Variants in PRKD1 observed in about 807,000 individuals in gnomAD.
The protein encoded by PRKD1 is serine/threonine-protein kinase D1.
A neutral mutation model predicts 95.9 loss-of-function variants in PRKD1; 63 were observed. The ratio of observed to expected loss-of-function variants is 0.66; its 90% confidence interval spans 0.54 to 0.81. PRKD1 has a LOEUF of 0.81. Ranked by LOEUF, PRKD1 falls within the 30% of genes least tolerant of loss-of-function variation. The pLI is 0.00. For synonymous variants in PRKD1, 425 were observed against 423.1 expected (o/e 1.00, Z -0.05); for missense variants, 1,048 against 1,165.3 (o/e 0.90, Z 1.47).
chr14:29,617,657 G>A (rs1027114554), intron 13 of PRKD1, among the ~76,000 whole-genome samples: 2 of 152,112 alleles, frequency 1.3e-5, no homozygotes, highest in Non-Finnish European at 2.9e-5. Context: ...ACCTTTATAT[G>A]CACTGTGATA....
chr14:29,714,969 G>A (rs1365228927), intron 2 of PRKD1, among the ~76,000 whole-genome samples: 1 of 152,088 alleles, frequency 6.6e-6, no homozygotes, highest in Non-Finnish European at 1.5e-5. Flanking sequence ...GGGGATGGAG[G>A]GCTAGGGGAG....
intron 16 of PRKD1, chr14:29,593,975 T>G: frequency 3.1e-6 from 1 of 325,702 alleles, no homozygotes; most frequent in Non-Finnish European, 6.0e-6. Context: ...CAATGTATAG[T>G]GTAAAGAATG....
At chr14:29,792,798 T>C (rs1403970089) in intron 1 of PRKD1, among the ~76,000 whole-genome samples, 1 of 152,114 alleles carries the variant, frequency 6.6e-6, no homozygotes, top group Non-Finnish European at 1.5e-5. Flanking sequence ...AGTAACATTA[T>C]GGAAACTAGA....
chr14:29,748,012 G>C (rs1006039334), intron 1 of PRKD1, among the ~76,000 whole-genome samples: 1 of 152,104 alleles, frequency 6.6e-6, no homozygotes, highest in Non-Finnish European at 1.5e-5. Flanking sequence ...CCAAAGTGCT[G>C]GGATTACAGA....
intron 1 of PRKD1, among the ~76,000 whole-genome samples, chr14:29,879,002 A>AT (rs558174005): frequency 6.1e-4 from 93 of 152,308 alleles, no homozygotes; most frequent in African/African-American, 2.1e-3. Context: ...TCTTGCTACT[A>AT]TACTCTCCTC....
intron 13 of PRKD1, among the ~76,000 whole-genome samples, chr14:29,622,089 G>A (rs1042064310): frequency 6.6e-6 from 1 of 152,150 alleles, no homozygotes; most frequent in Non-Finnish European, 1.5e-5. Context: ...GCATGGAGGG[G>A]GCGGGCATTT....
chr14:29,697,026 T>C (rs1884556942), intron 2 of PRKD1, among the ~76,000 whole-genome samples: 1 of 152,010 alleles, frequency 6.6e-6, no homozygotes, highest in Admixed American at 6.6e-5. Flanking sequence ...GTCCAGTTTT[T>C]TATGTGAAAT....
chr14:29,828,293 C>T (rs1400080229), intron 1 of PRKD1, among the ~76,000 whole-genome samples: 4 of 152,082 alleles, frequency 2.6e-5, no homozygotes, highest in Admixed American at 2.0e-4. Context: ...AAAGGAGGAG[C>T]AGGCATGTCA....
intron 2 of PRKD1, among the ~76,000 whole-genome samples, chr14:29,723,666 T>A (rs1050500861): frequency 1.2e-5 from 1 of 85,654 alleles, no homozygotes; most frequent in Admixed American, 1.3e-4. Flanking sequence ...CATAATTGAG[T>A]GTGCGTGTGT....
intron 2 of PRKD1, among the ~76,000 whole-genome samples, chr14:29,694,308 C>T (rs906071724): frequency 6.6e-6 from 1 of 152,126 alleles, no homozygotes; most frequent in Non-Finnish European, 1.5e-5. Flanking sequence ...GAATATTTGT[C>T]AACTAAACCC....
chr14:29,891,188 A>T (rs1893925679), intron 1 of PRKD1, among the ~76,000 whole-genome samples: 1 of 151,982 alleles, frequency 6.6e-6, no homozygotes, highest in African/African-American at 2.4e-5. Context: ...GAGAAGAAAA[A>T]CTCCTTTAAA....
intron 2 of PRKD1, among the ~76,000 whole-genome samples, chr14:29,709,405 A>G (rs1462470010): frequency 6.6e-6 from 1 of 152,184 alleles, no homozygotes; most frequent in Non-Finnish European, 1.5e-5. Flanking sequence ...CAAGACAGCG[A>G]GAAGGCACAG....
At chr14:29,803,264 C>A (rs1890106092) in intron 1 of PRKD1, among the ~76,000 whole-genome samples, 1 of 152,122 alleles carries the variant, frequency 6.6e-6, no homozygotes, top group Non-Finnish European at 1.5e-5. Flanking sequence ...TACATATGGA[C>A]TAGAATAAAC....
At chr14:29,891,834 T>C (rs1259647081) in intron 1 of PRKD1, among the ~76,000 whole-genome samples, 1 of 152,212 alleles carries the variant, frequency 6.6e-6, no homozygotes, top group Non-Finnish European at 1.5e-5. Flanking sequence ...AGAATTTATA[T>C]GTAGCTAACT....
At chr14:29,870,344 G>A (rs1893057858) in intron 1 of PRKD1, among the ~76,000 whole-genome samples, 1 of 152,028 alleles carries the variant, frequency 6.6e-6, no homozygotes, top group South Asian at 2.1e-4. Context: ...ATATTCTTGA[G>A]CACGTCTCAA....
chr14:29,696,008 T>A (rs548751396), intron 2 of PRKD1, among the ~76,000 whole-genome samples: 1 of 152,352 alleles, frequency 6.6e-6, no homozygotes, highest in African/African-American at 2.4e-5. Context: ...TTGAGCCAGA[T>A]AAAATCACTT....
chr14:29,680,698 C>T (rs34152480), intron 2 of PRKD1, among the ~76,000 whole-genome samples: 8,940 of 152,188 alleles, frequency 0.059, 368 homozygotes, highest in Middle Eastern at 0.092. Flanking sequence ...AAAACTCCAT[C>T]GGCAGAAGCA....
intron 7 of PRKD1, among the ~76,000 whole-genome samples, chr14:29,635,204 G>C (rs1211965487): frequency 6.6e-6 from 1 of 152,014 alleles, no homozygotes; most frequent in East Asian, 1.9e-4. Context: ...TCCTATTATA[G>C]GTACATTATC....
At chr14:29,705,286 T>A (rs1885027531) in intron 2 of PRKD1, among the ~76,000 whole-genome samples, 1 of 152,070 alleles carries the variant, frequency 6.6e-6, no homozygotes, top group African/African-American at 2.4e-5. Flanking sequence ...ATGACCTCCA[T>A]GTTATTTTAA....
Sources: gnomAD v4.1 joint callset for allele counts (sites outside exome capture counted in the v4.1 genomes callset) on GRCh38, gnomAD v4.1.1 for gene constraint, MANE v1.5 for transcripts, NCBI Gene and HGNC (gene_info 2026-07-23, HGNC 2026-07-21) for gene names.